Variants in EXOC4 observed in about 807,000 individuals in gnomAD.
EXOC4 encodes SEC8-like 1.
Under a neutral mutation model 107.2 loss-of-function variants are expected in EXOC4, and 71 were observed. The observed-to-expected ratio is 0.66, with a 90% CI of 0.55 to 0.81. The LOEUF is 0.81. Among genes scored for constraint, EXOC4 ranks in the 30% least tolerant of loss-of-function variants. The pLI is 0.00. For missense variants in EXOC4, 1,108 were observed against 1,189.6 expected (o/e 0.93, Z 1.01); for synonymous variants, 456 against 441.2 (o/e 1.03, Z -0.42).
intron 9 of EXOC4, among the ~76,000 whole-genome samples, chr7:133,563,560 T>G (rs1800849479): frequency 6.6e-6 from 1 of 152,220 alleles, no homozygotes; most frequent in African/African-American, 2.4e-5. Context: ...GTTAAAGCCT[T>G]TTCCTCCAAG....
chr7:133,478,764 G>A (rs1049315667), intron 8 of EXOC4, among the ~76,000 whole-genome samples: 1 of 152,064 alleles, frequency 6.6e-6, no homozygotes, highest in Non-Finnish European at 1.5e-5. Context: ...TTGCTTAAGA[G>A]TTTATTTATT....
At chr7:133,463,084 C>T (rs1798633242) in intron 7 of EXOC4, among the ~76,000 whole-genome samples, 1 of 151,838 alleles carries the variant, frequency 6.6e-6, no homozygotes, top group African/African-American at 2.4e-5. Context: ...GTTTTAATAA[C>T]CTGCATGAAA....
chr7:133,390,107 A>C (rs913968729), intron 7 of EXOC4, among the ~76,000 whole-genome samples: 1 of 152,158 alleles, frequency 6.6e-6, no homozygotes, highest in Admixed American at 6.5e-5. Context: ...TAGATTGATC[A>C]TGGGGGACCA....
At chr7:133,793,413 C>T (rs1585149554) in intron 10 of EXOC4, among the ~76,000 whole-genome samples, 1 of 152,124 alleles carries the variant, frequency 6.6e-6, no homozygotes, top group African/African-American at 2.4e-5. Context: ...ACAGACCCCA[C>T]GGTGAGGATC....
In EXOC4 at chr7:133,938,061, C is replaced by T. The variant is rs1800344628; in HGVS notation, c.2198C>T (p.Thr733Ile). ...AAGTCAGCTTTCTCCAATCTTTCTA[C>T]ATCCCAGAGTAAGTATCTAGTAGGA... ...RTKSAFSNLS[T>I]SQMLSPAQDS... Residue 733 changes from threonine to isoleucine, a missense_variant, in exon 14 of 18, where the codon ACA (threonine) becomes ATA (isoleucine). Physicochemically the swap from Thr to Ile is moderately conservative, Grantham distance 89 (BLOSUM62 -1). Transcript: ENST00000253861. The T allele has an allele frequency of 2.5e-6, 4 of 1,614,012 alleles. No individual in the cohort carries two copies. Among genetic ancestry groups the T allele is most frequent in the Admixed American group, 1.7e-5 (1 of 60,002 alleles).
chr7:133,957,966 A>G (rs182862964), intron 14 of EXOC4, among the ~76,000 whole-genome samples: 1 of 152,298 alleles, frequency 6.6e-6, no homozygotes, highest in Admixed American at 6.5e-5. Context: ...TATGACTTAG[A>G]TCATAAACCA....
intron 9 of EXOC4, among the ~76,000 whole-genome samples, chr7:133,481,955 G>A (rs187114395): frequency 5.3e-5 from 8 of 152,272 alleles, no homozygotes; most frequent in African/African-American, 1.7e-4. Context: ...ATTGCAGGAG[G>A]TAGGATTGTG....
intron 7 of EXOC4, among the ~76,000 whole-genome samples, chr7:133,385,557 GTT>G (rs1307459235): frequency 6.6e-6 from 1 of 152,226 alleles, no homozygotes; most frequent in Non-Finnish European, 1.5e-5. Context: ...GTTCAAGTGA[GTT>G]AATTCTTGGA....
At chr7:133,431,237 A>G (rs945903333) in intron 7 of EXOC4, among the ~76,000 whole-genome samples, 2 of 152,182 alleles carry the variant, frequency 1.3e-5, no homozygotes, top group Non-Finnish European at 2.9e-5. Context: ...TGACAGTTTT[A>G]TAGCTGTGCT....
intron 10 of EXOC4, among the ~76,000 whole-genome samples, chr7:133,658,239 C>G (rs1309244813): frequency 2.0e-5 from 3 of 152,110 alleles, no homozygotes; most frequent in Admixed American, 2.0e-4. Flanking sequence ...TAAGATCTAC[C>G]AGATTATGCC....
At chr7:133,931,948 T>C (rs997111249) in intron 13 of EXOC4, among the ~76,000 whole-genome samples, 2 of 152,230 alleles carry the variant, frequency 1.3e-5, no homozygotes, top group Non-Finnish European at 2.9e-5. Flanking sequence ...GGCTAAATTA[T>C]GCATAATAGT....
At position 133,660,274 on chromosome 7, in the gene EXOC4, T is replaced by C. The variant is rs529785553; in HGVS notation, c.1514+30133T>C. On this transcript the variant is annotated intron_variant, in intron 10 of 17. Coordinates refer to ENST00000253861, the MANE Select transcript of EXOC4 (RefSeq NM_021807.4). The stretch of plus-strand genomic sequence containing the variant: ...GTGGCTTGATCAATAGACTGCAGAA[T>C]GATTAATTTGTTTCCACTCATTTCT... 5.1e-4 allele frequency among the ~76,000 whole-genome samples: 77 copies of C among 152,048 alleles called. 2 individuals carry two copies. In the South Asian group the frequency reaches 0.015, roughly 30 times the overall value.
intron 10 of EXOC4, among the ~76,000 whole-genome samples, chr7:133,666,602 T>C (rs1793819027): frequency 1.3e-5 from 2 of 152,210 alleles, no homozygotes; most frequent in Admixed American, 6.5e-5. Flanking sequence ...GAACCATTAC[T>C]GTCAGCTTTT....
chr7:134,025,826 C>T (rs1353664047), intron 17 of EXOC4, among the ~76,000 whole-genome samples: 4 of 152,202 alleles, frequency 2.6e-5, no homozygotes, highest in African/African-American at 9.7e-5. Flanking sequence ...CCAGGACGAG[C>T]ATAGTATCAC....
rs560711407 is a variant in EXOC4 at position 133,725,920 on chromosome 7, T to G, written c.1515-91405T>G. 2.0e-5 allele frequency among the ~76,000 whole-genome samples: 3 copies of G among 152,254 alleles called. No individual in the cohort carries two copies. In the South Asian group the frequency reaches 6.2e-4, roughly 32 times the overall value. ...GTGTGGTGTAAAAGACAGAGGAAAT[T>G]CAAACAAATAACTTAAAGGTGTTTG... is the stretch of plus-strand genomic sequence containing the variant. On this transcript the variant is annotated intron_variant, in intron 10 of 17. Coordinates refer to ENST00000253861, the MANE Select transcript of EXOC4 (RefSeq NM_021807.4).
At chr7:133,546,471 G>T (rs1800484511) in intron 9 of EXOC4, among the ~76,000 whole-genome samples, 3 of 151,958 alleles carry the variant, frequency 2.0e-5, no homozygotes, top group Admixed American at 1.3e-4. Context: ...GGCCAGGCTG[G>T]TCTCAAACTT....
intron 9 of EXOC4, among the ~76,000 whole-genome samples, chr7:133,497,720 C>T (rs1490540629): frequency 2.6e-5 from 4 of 152,042 alleles, no homozygotes; most frequent in African/African-American, 4.8e-5. Flanking sequence ...TGAGCCACCA[C>T]GCCCTGGCCA....
chr7:133,511,251 C>T (rs1799762954), intron 9 of EXOC4, among the ~76,000 whole-genome samples: 1 of 152,012 alleles, frequency 6.6e-6, no homozygotes, highest in Admixed American at 6.6e-5. Context: ...AGTGAAATCT[C>T]AAGTAGTTAG....
chr7:133,994,152 C>G (rs1794326498), intron 14 of EXOC4, among the ~76,000 whole-genome samples: 1 of 152,184 alleles, frequency 6.6e-6, no homozygotes. Context: ...TTATGATGTT[C>G]CCCTCCCTGT....
Sources: gnomAD v4.1 joint callset for allele counts (sites outside exome capture counted in the v4.1 genomes callset) on GRCh38, gnomAD v4.1.1 for gene constraint, MANE v1.5 for transcripts, NCBI Gene and HGNC (gene_info 2026-07-23, HGNC 2026-07-21) for gene names.